The following BRF1 variants were observed in gnomAD, a reference collection of about 807,000 sequenced individuals.
The protein encoded by BRF1 is BRF1 general transcription factor IIIB subunit.
Under a neutral mutation model 81.7 loss-of-function variants are expected in BRF1, and 59 were observed. The ratio of observed to expected loss-of-function variants is 0.72; its 90% CI spans 0.59 to 0.90. BRF1 has a LOEUF of 0.90. Among genes scored for constraint, BRF1 ranks in the 40% least tolerant of loss-of-function variants. The probability of loss-of-function intolerance (pLI) is 0.00; values close to 1 mark genes in which losing one functional copy is unlikely to be tolerated. For missense variants in BRF1, 1,050 were observed against 936.3 expected, an observed-to-expected ratio of 1.12 and a Z score of -1.58; for synonymous variants, 491 against 395.6, an observed-to-expected ratio of 1.24 and a Z score of -2.86.
rs1222034579 is a variant in BRF1 at position 105,241,278 on chromosome 14, G to A, written c.681C>T (p.Gly227=). ...DWMHTGRRPS[G]LCGAALLVAA... ...GGCCCGCTGTACCTGCTCCGCAGAG[G>A]CCCGAGGGGCGCCGGCCTGTGTGCA... Residue 227 remains glycine, a synonymous_variant, in exon 6 of 18, where the codon GGC becomes GGT. Coordinates refer to ENST00000547530, the MANE Select transcript of BRF1 (RefSeq NM_001519.4). 2 of 1,611,776 alleles carry A rather than the reference G, an allele frequency of 1.2e-6. No individual in the cohort carries two copies. Among genetic ancestry groups the A allele is most frequent in the African/African-American group, 1.3e-5 (1 of 74,924 alleles).
chr14:105,253,736 G>A (rs1400096846), intron 4 of BRF1, among the ~76,000 whole-genome samples: 1 of 152,214 alleles, frequency 6.6e-6, no homozygotes, highest in African/African-American at 2.4e-5. Context: ...CCAGTGGGGC[G>A]CAGCTTCCAT....
rs1891810220 is a variant in BRF1 at position 105,219,067 on chromosome 14, A to C, written c.1460-14T>G. The stretch of plus-strand genomic sequence containing the variant: ...TTGCTTCTTTTTCTAAAAGTTCAGA[A>C]AGGGGGCCAGCGTCACTGAGGGCCC... On this transcript the variant is annotated splice_polypyrimidine_tract_variant and intron_variant, in intron 13 of 17. Transcript: ENST00000547530. 6.2e-7 allele frequency: 1 copy of C among 1,613,720 alleles called. No individual in the cohort carries two copies. Among genetic ancestry groups the C allele is most frequent in the African/African-American group, 1.3e-5 (1 of 74,910 alleles).
intron 1 of BRF1, among the ~76,000 whole-genome samples, chr14:105,311,205 C>T (rs1228823808): frequency 1.3e-5 from 2 of 152,128 alleles, no homozygotes; most frequent in Non-Finnish European, 2.9e-5. Context: ...CCACCCACTT[C>T]GGCCTCCCAA....
intron 10 of BRF1, among the ~76,000 whole-genome samples, chr14:105,224,132 G>A (rs114846103): frequency 0.012 from 1,777 of 152,300 alleles, 33 homozygotes; most frequent in African/African-American, 0.041. Context: ...ACTTTGGCGG[G>A]CCAAGGTGGA....
intron 1 of BRF1, among the ~76,000 whole-genome samples, chr14:105,289,925 C>G (rs984375580): frequency 2.0e-5 from 3 of 152,082 alleles, no homozygotes; most frequent in Non-Finnish European, 4.4e-5. Flanking sequence ...CGTGAGCCAC[C>G]ACGCCCCGCC....
intron 6 of BRF1, among the ~76,000 whole-genome samples, chr14:105,229,382 T>C (rs1326706765): frequency 1.3e-5 from 2 of 152,182 alleles, no homozygotes; most frequent in African/African-American, 4.8e-5. Flanking sequence ...TGGAACGGCT[T>C]CTCAGGTGGA....
intron 7 of BRF1, 115 bp from the exon 8 acceptor site, chr14:105,226,875 A>G: frequency 6.6e-7 from 1 of 1,520,052 alleles, no homozygotes; most frequent in Non-Finnish European, 8.9e-7. Flanking sequence ...TTGGGAGCCC[A>G]AGGTGGGTGG....
intron 5 of BRF1, among the ~76,000 whole-genome samples, chr14:105,244,581 C>A (rs905216750): frequency 6.6e-6 from 1 of 152,096 alleles, no homozygotes; most frequent in Non-Finnish European, 1.5e-5. Context: ...ACAGGCATGG[C>A]ATTTCATCAT....
At chr14:105,226,368 C>T (rs1269455396) in intron 8 of BRF1, 78 bp from the exon 9 acceptor site, 11 of 1,582,754 alleles carry the variant, frequency 6.9e-6, no homozygotes, top group South Asian at 2.2e-5. Flanking sequence ...CCGCGTGGGC[C>T]CCAGGGACCA....
At chr14:105,228,952 G>C (rs201126610) in intron 6 of BRF1, 39 bp from the exon 7 acceptor site, 1 of 1,593,748 alleles carries the variant, frequency 6.3e-7, no homozygotes, top group South Asian at 1.1e-5. Context: ...ACCACGGCTG[G>C]GAACCAGGGC....
upstream of BRF1, among the ~76,000 whole-genome samples, chr14:105,302,347 G>A (rs775915617): frequency 6.6e-6 from 1 of 151,580 alleles, no homozygotes; most frequent in Non-Finnish European, 1.5e-5. Context: ...GGGATTACAG[G>A]TATGCACCAC....
At chr14:105,214,529 G>A in intron 15 of BRF1, among the ~76,000 whole-genome samples, 1 of 74,988 alleles carries the variant, frequency 1.3e-5, no homozygotes, top group Non-Finnish European at 2.7e-5. Flanking sequence ...CCCCTGCGTG[G>A]CTCAGCTGCC....
chr14:105,217,433 AG>A, intron 15 of BRF1, 110 bp downstream of exon 15: 1 of 1,512,304 alleles, frequency 6.6e-7, no homozygotes, highest in Non-Finnish European at 8.9e-7. Flanking sequence ...ATGCCACTCC[AG>A]GCACTTCTGT....
At chr14:105,244,974 A>C (rs2054983631) in intron 5 of BRF1, among the ~76,000 whole-genome samples, 1 of 152,164 alleles carries the variant, frequency 6.6e-6, no homozygotes, top group African/African-American at 2.4e-5. Flanking sequence ...AAAATGAGCA[A>C]AAACAAGTAG....
At chr14:105,296,011 G>A (rs973349275) in intron 1 of BRF1, among the ~76,000 whole-genome samples, 1 of 150,220 alleles carries the variant, frequency 6.7e-6, no homozygotes, top group South Asian at 2.1e-4. Context: ...AACCCAGGAG[G>A]GGGAGGTTGC....
At chr14:105,252,609 G>A (rs1383062333) in intron 4 of BRF1, 30 bp from the exon 5 acceptor site, 1 of 1,601,892 alleles carries the variant, frequency 6.2e-7, no homozygotes, top group Non-Finnish European at 8.5e-7. Flanking sequence ...ACCAGAAACA[G>A]CATTGGTATT....
At chr14:105,248,815 C>T (rs904449101) in intron 5 of BRF1, 5 of 985,522 alleles carry the variant, frequency 5.1e-6, no homozygotes, top group Middle Eastern at 5.1e-4. Flanking sequence ...GGCGCGAGGG[C>T]GCGGGGCGCG....
Position 105,228,909 on chromosome 14 carries a change from G to A in BRF1, c.699C>T (p.Leu233=), listed in dbSNP as rs1322710523. The A allele has an allele frequency of 1.2e-6, 2 of 1,613,532 alleles. No homozygotes were observed. Among genetic ancestry groups the A allele is most frequent in the Admixed American group, 1.7e-5 (1 of 60,022 alleles). ...RRPSGLCGAA[L]LVAARMHDFR... ...AGTCATGCATTCTGGCTGCAACCAG[G>A]AGCGCTGGAAGGCAACGAGACGGGC... Residue 233 remains leucine, a synonymous_variant, in exon 7 of 18, where the codon CTC becomes CTT. Coordinates refer to ENST00000547530, the MANE Select transcript of BRF1 (RefSeq NM_001519.4).
Position 105,252,525 on chromosome 14 carries a change from T to C in BRF1, c.526A>G (p.Ile176Val). The C allele has an allele frequency of 6.2e-7, 1 of 1,613,896 alleles. No individual in the cohort carries two copies. Among genetic ancestry groups the C allele is most frequent in the Non-Finnish European group, 8.5e-7 (1 of 1,179,986 alleles). ...TFLLLARELC[I>V]NAPAIDPCLY... ...TGCCTACCTATGGCCGGCGCATTGA[T>C]GCAGAGCTCTCTTGCCAAGAGAAGA... is the stretch of plus-strand genomic sequence containing the variant. Residue 176 changes from isoleucine to valine, a missense_variant, in exon 5 of 18, where the codon ATC (isoleucine) becomes GTC (valine). Ile to Val is a conservative substitution (Grantham distance 29). This residue lies in a region of BRF1 where 1,043 missense variants were observed against 915.4 expected (regional missense o/e 1.14). Transcript: ENST00000547530.
Sources: allele counts gnomAD v4.1 joint callset (sites outside exome capture counted in the v4.1 genomes callset), GRCh38; gene constraint gnomAD v4.1.1; regional missense constraint gnomAD v4.1.1; transcripts MANE v1.5; gene names NCBI Gene and HGNC (gene_info 2026-07-23, HGNC 2026-07-21).